The following ROCK1 variants were observed in gnomAD, a reference collection of about 807,000 sequenced individuals.
The protein encoded by ROCK1 is rho-associated protein kinase 1.
ROCK1 carries 36 observed loss-of-function variants against 196.8 expected under a neutral mutation model. The observed-to-expected ratio is 0.18, with a 90% CI of 0.14 to 0.24. The LOEUF (loss-of-function observed/expected upper bound fraction) is 0.24, where lower values mean the gene tolerates loss of function less well. ROCK1 is among the 10% of genes least tolerant of loss of function. The pLI, the probability that ROCK1 is intolerant of heterozygous loss-of-function variation, is 1.00. For synonymous variants in ROCK1, 443 were observed against 515.9 expected (o/e 0.86, Z 1.91); for missense variants, 920 against 1,562.0 (o/e 0.59, Z 6.93).
chr18:21,053,532 G>A (rs1282054648), intron 2 of ROCK1, among the ~76,000 whole-genome samples: 1 of 152,084 alleles, frequency 6.6e-6, no homozygotes, highest in Non-Finnish European at 1.5e-5. Context: ...TCTCCATTAT[G>A]CTTCAAAAAG....
At chr18:21,047,834 A>C (rs1355655906) in intron 4 of ROCK1, among the ~76,000 whole-genome samples, 1 of 152,124 alleles carries the variant, frequency 6.6e-6, no homozygotes, top group Non-Finnish European at 1.5e-5. Context: ...TAAACCTTCA[A>C]CATTTTTCAT....
At position 20,970,218 on chromosome 18, in the gene ROCK1, G is replaced by C. The variant is rs2035413225; in HGVS notation, c.2820+130C>G. On this transcript the variant is annotated intron_variant, in intron 23 of 32. Coordinates refer to ENST00000399799, the MANE Select transcript of ROCK1 (RefSeq NM_005406.3). Reference sequence around the variant, plus strand: ...ATTATACAAACTATTTTATACATGAGTACAGAATGACCACTATGTATTAAC... The same window carrying C: ...ATTATACAAACTATTTTATACATGACTACAGAATGACCACTATGTATTAAC... The C allele has an allele frequency of 8.0e-6, 5 of 621,762 alleles. No homozygotes were observed. The East Asian group carries it at 8.3e-5, about 10-fold the overall frequency. The allele number at this position is 621,762 out of a possible 1,614,324, so 38.5% of individuals were successfully genotyped here.
At chr18:21,045,518 A>C (rs2036148179) in intron 4 of ROCK1, 51 bp from the exon 5 acceptor site, 1 of 1,386,976 alleles carries the variant, frequency 7.2e-7, no homozygotes, top group Non-Finnish European at 9.6e-7. Flanking sequence ...GTTAAACAAA[A>C]TTGTTTCACT....
intron 16 of ROCK1, among the ~76,000 whole-genome samples, chr18:20,996,888 C>T (rs1219025089): frequency 1.3e-5 from 2 of 152,046 alleles, no homozygotes; most frequent in Non-Finnish European, 2.9e-5. Flanking sequence ...TTTAAAATAA[C>T]GGGTTAGAGG....
At chr18:21,069,712 G>A (rs1043164869) in intron 2 of ROCK1, among the ~76,000 whole-genome samples, 2 of 152,026 alleles carry the variant, frequency 1.3e-5, no homozygotes, top group African/African-American at 4.8e-5. Context: ...TCACTATGTT[G>A]TCAGGTAGGG....
At chr18:21,107,002 A>C (rs2036708697) in intron 1 of ROCK1, among the ~76,000 whole-genome samples, 1 of 152,226 alleles carries the variant, frequency 6.6e-6, no homozygotes, top group African/African-American at 2.4e-5. Context: ...TTGCATATAC[A>C]TAAGATACCC....
chr18:20,991,771 A>G (rs1436232681), intron 17 of ROCK1, among the ~76,000 whole-genome samples: 1 of 151,704 alleles, frequency 6.6e-6, no homozygotes, highest in Non-Finnish European at 1.5e-5. Context: ...AGTGGCTAGT[A>G]TTACAGGCAT....
At position 20,960,262 on chromosome 18, in the gene ROCK1, C is replaced by T. The variant is rs1371007748; in HGVS notation, c.3353-56G>A. The T allele has an allele frequency of 3.7e-6, 4 of 1,068,222 alleles. No individual in the cohort carries two copies. The African/African-American group carries it at 4.7e-5, about 13-fold the overall frequency. The allele number at this position is 1,068,222 out of a possible 1,614,324, so 66.2% of individuals were successfully genotyped here. ...GTCTTAAATTGTAACAAAAGAAAAA[C>T]TATTAAAAGTTGTCTGACAGCATGC... On this transcript the variant is annotated intron_variant, in intron 27 of 32. Coordinates refer to ENST00000399799, the MANE Select transcript of ROCK1 (RefSeq NM_005406.3).
intron 4 of ROCK1, among the ~76,000 whole-genome samples, chr18:21,046,724 T>TA (rs893332301): frequency 3.9e-5 from 6 of 152,004 alleles, no homozygotes; most frequent in South Asian, 2.1e-4. Context: ...AGAATTAAAC[T>TA]AAAAAAAACA....
At chr18:21,006,012 T>C (rs1268911919) in intron 16 of ROCK1, among the ~76,000 whole-genome samples, 1 of 152,216 alleles carries the variant, frequency 6.6e-6, no homozygotes, top group East Asian at 1.9e-4. Context: ...TTATGTTATA[T>C]ATTTTTAACA....
chr18:21,099,374 G>A (rs1164826959), intron 1 of ROCK1, among the ~76,000 whole-genome samples: 3 of 152,032 alleles, frequency 2.0e-5, no homozygotes, highest in African/African-American at 7.2e-5. Context: ...AAGAGTAAAG[G>A]GAAAAGAACA....
chr18:21,110,781 A>G, intron 1 of ROCK1, 37 bp downstream of exon 1: 1 of 1,547,270 alleles, frequency 6.5e-7, no homozygotes. Context: ...AAGACATGCA[A>G]AACCCCAGAC....
intron 10 of ROCK1, among the ~76,000 whole-genome samples, chr18:21,027,332 T>A (rs1315883627): frequency 6.6e-6 from 1 of 152,232 alleles, no homozygotes; most frequent in Non-Finnish European, 1.5e-5. Context: ...GCACTGTATC[T>A]TATTCATCCT....
intron 17 of ROCK1, 50 bp downstream of exon 17, chr18:20,992,781 T>C (rs756383453): frequency 9.5e-7 from 1 of 1,051,070 alleles, no homozygotes; most frequent in Non-Finnish European, 1.4e-6. Flanking sequence ...TAGTCTATGA[T>C]AATCAGTAAT....
intron 27 of ROCK1, among the ~76,000 whole-genome samples, chr18:20,965,171 C>T (rs1171079653): frequency 3.3e-5 from 5 of 152,116 alleles, no homozygotes; most frequent in Non-Finnish European, 5.9e-5. Context: ...AGGCAGATAG[C>T]TTGAGCTCAG....
chr18:20,997,040 G>T (rs556321937), intron 16 of ROCK1, among the ~76,000 whole-genome samples: 33 of 151,832 alleles, frequency 2.2e-4, no homozygotes, highest in Non-Finnish European at 3.7e-4. Flanking sequence ...AAAGAAGGAA[G>T]AGAAGACCAC....
At chr18:21,085,444 G>A (rs2036519213) in intron 1 of ROCK1, among the ~76,000 whole-genome samples, 1 of 151,636 alleles carries the variant, frequency 6.6e-6, no homozygotes, top group Non-Finnish European at 1.5e-5. Context: ...AGGAGAAGGT[G>A]CACATACCAG....
intron 1 of ROCK1, among the ~76,000 whole-genome samples, chr18:21,076,909 T>C (rs144500848): frequency 1.2e-3 from 185 of 152,084 alleles, no homozygotes; most frequent in Non-Finnish European, 1.9e-3. Flanking sequence ...TAGGAAAGTG[T>C]TATGGCAGTT....
chr18:20,948,830 C>A lies in ROCK1; in HGVS notation c.*2554G>T, dbSNP rs1326212042. 2 of 152,088 alleles carry A rather than the reference C, an allele frequency of 1.3e-5. No individual in the cohort carries two copies. The highest frequency in any genetic ancestry group is 2.4e-5 in the African/African-American group (1 of 41,350). 9.4% of individuals were successfully genotyped at this position (152,088 alleles called of 1,614,324 possible). A position where few individuals can be genotyped will look rare whatever the true frequency, so the allele number is the denominator to read the frequency against. On this transcript the variant is annotated 3_prime_UTR_variant, in exon 33 of 33. Transcript: ENST00000399799. ...TGTGCTAAATGCCAGCAAGCAGGGT[C>A]ATGGAAGTGCCTTTTCTGAGGCAGT... is the stretch of plus-strand genomic sequence containing the variant.
Sources: gnomAD v4.1 joint callset for allele counts (sites outside exome capture counted in the v4.1 genomes callset) on GRCh38, gnomAD v4.1.1 for gene constraint, MANE v1.5 for transcripts, NCBI Gene and HGNC (gene_info 2026-07-23, HGNC 2026-07-21) for gene names.